DLG2: variants seen among roughly 807,000 people sequenced by gnomAD.
DLG2 encodes the protein disks large homolog 2.
Under a neutral mutation model 132.5 loss-of-function variants are expected in DLG2, and 45 were observed. The observed-to-expected ratio is 0.34, with a 90% CI of 0.27 to 0.44. DLG2 has a LOEUF of 0.44. Among genes scored for constraint, DLG2 ranks in the 20% least tolerant of loss-of-function variants. The pLI is 1.00. For synonymous variants in DLG2, 424 were observed against 419.6 expected, an observed-to-expected ratio of 1.01 and a Z score of -0.13; for missense variants, 1,045 against 1,196.9, an observed-to-expected ratio of 0.87 and a Z score of 1.87.
At chr11:83,735,393 G>GT (rs1469772610) in intron 18 of DLG2, among the ~76,000 whole-genome samples, 2 of 152,204 alleles carry the variant, frequency 1.3e-5, no homozygotes, top group Non-Finnish European at 2.9e-5. Flanking sequence ...AATCCTCCCA[G>GT]TTTGGGGGCA....
chr11:83,816,688 C>T (rs1196387720), intron 17 of DLG2, among the ~76,000 whole-genome samples: 1 of 152,108 alleles, frequency 6.6e-6, no homozygotes, highest in Non-Finnish European at 1.5e-5. Context: ...TATAACTATC[C>T]CAAACATAAG....
At chr11:84,026,076 G>A (rs941612851) in intron 11 of DLG2, among the ~76,000 whole-genome samples, 1 of 152,064 alleles carries the variant, frequency 6.6e-6, no homozygotes, top group African/African-American at 2.4e-5. Flanking sequence ...GATGTATGAT[G>A]GTATGCTGAC....
At chr11:83,551,503 G>T (rs529140399) in intron 19 of DLG2, among the ~76,000 whole-genome samples, 1 of 152,270 alleles carries the variant, frequency 6.6e-6, no homozygotes, top group Non-Finnish European at 1.5e-5. Context: ...CATCATAGCA[G>T]CTCATCAGGG....
At chr11:84,472,528 A>C (rs2099111113) in intron 7 of DLG2, among the ~76,000 whole-genome samples, 1 of 151,954 alleles carries the variant, frequency 6.6e-6, no homozygotes, top group Non-Finnish European at 1.5e-5. Context: ...TTGTTTGTGT[A>C]ATCCTTTTAA....
chr11:85,101,143 T>C (rs947411842), intron 6 of DLG2, among the ~76,000 whole-genome samples: 5 of 152,128 alleles, frequency 3.3e-5, no homozygotes, highest in Admixed American at 2.6e-4. Flanking sequence ...TAACACTTCT[T>C]TCTTTCCAAG....
intron 6 of DLG2, among the ~76,000 whole-genome samples, chr11:84,780,733 C>T (rs1179559669): frequency 6.6e-6 from 1 of 151,960 alleles, no homozygotes; most frequent in African/African-American, 2.4e-5. Context: ...TTTTAAAATT[C>T]AGATATTTCC....
intron 19 of DLG2, among the ~76,000 whole-genome samples, chr11:83,579,122 G>A (rs2144667526): frequency 6.6e-6 from 1 of 152,302 alleles, no homozygotes; most frequent in South Asian, 2.1e-4. Flanking sequence ...AAAACTCCAG[G>A]AATAAACACT....
intron 3 of DLG2, among the ~76,000 whole-genome samples, chr11:85,503,548 T>G (rs962930113): frequency 3.3e-5 from 5 of 152,050 alleles, no homozygotes; most frequent in Admixed American, 2.0e-4. Context: ...AAAAGGTGAT[T>G]GGATAATGAA....
At chr11:85,551,898 G>A (rs899019697) in intron 3 of DLG2, among the ~76,000 whole-genome samples, 1 of 151,822 alleles carries the variant, frequency 6.6e-6, no homozygotes, top group African/African-American at 2.4e-5. Flanking sequence ...AAGAAAAATG[G>A]AGGTAACTCA....
At chr11:84,983,877 C>T (rs558501504) in intron 6 of DLG2, among the ~76,000 whole-genome samples, 2 of 151,872 alleles carry the variant, frequency 1.3e-5, no homozygotes, top group Non-Finnish European at 1.5e-5. Flanking sequence ...GCAACAGAAT[C>T]GAAGAAGCAG....
chr11:85,470,767 G>T (rs1383974903), intron 3 of DLG2, among the ~76,000 whole-genome samples: 2 of 152,180 alleles, frequency 1.3e-5, no homozygotes, highest in African/African-American at 4.8e-5. Flanking sequence ...TTACTAGATG[G>T]TTCTGGCTTT....
intron 17 of DLG2, chr11:83,791,722 C>G (rs1427102855): frequency 4.5e-6 from 1 of 223,492 alleles, no homozygotes; most frequent in Non-Finnish European, 8.8e-6. Flanking sequence ...TCGCTTGAGC[C>G]CAGGAGCTCA....
chr11:83,647,702 T>G (rs1377952137), intron 18 of DLG2: 2 of 152,344 alleles, frequency 1.3e-5, no homozygotes, highest in East Asian at 3.9e-4. Context: ...TGTGTTGTCT[T>G]GACCGACTTC....
chr11:84,332,500 G>A (rs1216661424), intron 7 of DLG2, among the ~76,000 whole-genome samples: 4 of 144,652 alleles, frequency 2.8e-5, no homozygotes, highest in Non-Finnish European at 4.5e-5. Context: ...GTGAGCCACC[G>A]CGCCTGGCTT....
intron 3 of DLG2, among the ~76,000 whole-genome samples, chr11:85,487,911 C>T (rs1048914204): frequency 3.3e-5 from 5 of 152,218 alleles, no homozygotes; most frequent in Non-Finnish European, 5.9e-5. Flanking sequence ...CAAATCTCAT[C>T]TTGGACTGTA....
In DLG2 at chr11:84,508,156, T is replaced by C. The variant is rs530118755; in HGVS notation, c.519+26414A>G. Among the ~76,000 whole-genome samples the C allele has an allele frequency of 1.1e-3, 174 of 152,300 alleles. 7 individuals carry two copies. In the South Asian group the frequency reaches 0.035, roughly 31 times the overall value. ...CTTACTTTGTCTTATGATACACACA[T>C]GTGCTGCCTGCTCTACCTATTTTAA... On this transcript the variant is annotated intron_variant, in intron 7 of 27. Transcript: ENST00000376104.
intron 6 of DLG2, among the ~76,000 whole-genome samples, chr11:84,609,438 G>A (rs542947528): frequency 1.2e-4 from 19 of 152,210 alleles, no homozygotes; most frequent in South Asian, 6.2e-4. Flanking sequence ...AAGAAGCACC[G>A]TAATTCTCGC....
intron 9 of DLG2, 46 bp from the exon 10 acceptor site, chr11:84,099,093 A>C: frequency 6.3e-7 from 1 of 1,578,022 alleles, no homozygotes; most frequent in South Asian, 1.1e-5. Context: ...CTGTCACCTA[A>C]AACCTAGTTC....
At chr11:85,374,644 G>A (rs936501847) in intron 3 of DLG2, among the ~76,000 whole-genome samples, 6 of 152,016 alleles carry the variant, frequency 3.9e-5, no homozygotes, top group East Asian at 1.9e-4. Flanking sequence ...CCACTGCAGC[G>A]GGTCAAATAT....
Sources: gnomAD v4.1 joint callset for allele counts (sites outside exome capture counted in the v4.1 genomes callset) on GRCh38, gnomAD v4.1.1 for gene constraint, MANE v1.5 for transcripts, NCBI Gene and HGNC (gene_info 2026-07-23, HGNC 2026-07-21) for gene names.